Variants in WNK3 observed in about 807,000 individuals in gnomAD.
WNK3 encodes the protein WNK lysine deficient protein kinase 3, also known as serine/threonine-protein kinase WNK3.
A neutral mutation model predicts 116.7 loss-of-function variants in WNK3; 18 were observed. The ratio of observed to expected loss-of-function variants is 0.15; its 90% CI spans 0.11 to 0.23. The LOEUF (loss-of-function observed/expected upper bound fraction) is 0.23, where lower values mean the gene tolerates loss of function less well. Ranked by LOEUF, WNK3 falls within the 10% of genes least tolerant of loss-of-function variation. The probability of loss-of-function intolerance (pLI) is 1.00; values close to 1 mark genes in which losing one functional copy is unlikely to be tolerated. For missense variants in WNK3, 993 were observed against 1,323.8 expected, an observed-to-expected ratio of 0.75 and a Z score of 3.88; for synonymous variants, 404 against 469.4, an observed-to-expected ratio of 0.86 and a Z score of 1.80.
intron 17 of WNK3, among the ~76,000 whole-genome samples, chrX:54,243,583 C>T (rs2068046696): frequency 1.8e-5 from 2 of 111,283 alleles, no homozygotes; most frequent in South Asian, 7.6e-4. Flanking sequence ...AGCCATTAAG[C>T]AAATGCAAAT....
At chrX:54,306,086 C>T (rs1310542863) in intron 5 of WNK3, among the ~76,000 whole-genome samples, 2 of 110,655 alleles carry the variant, frequency 1.8e-5, no homozygotes, top group African/African-American at 6.6e-5. Context: ...TGTGGTATAC[C>T]GCATGCATTA....
At chrX:54,292,841 T>C in intron 10 of WNK3, 47 bp downstream of exon 10, 2 of 1,125,564 alleles carry the variant, frequency 1.8e-6, no homozygotes, top group Non-Finnish European at 1.2e-6. Context: ...ATCTAGGCAG[T>C]GTTTAATTTG....
At chrX:54,198,977 C>T (rs2067475769) in intron 23 of WNK3, among the ~76,000 whole-genome samples, 1 of 111,009 alleles carries the variant, frequency 9.0e-6, no homozygotes, top group Non-Finnish European at 1.9e-5. Flanking sequence ...AAAATTATTT[C>T]TGGGTGGTGG....
At chrX:54,302,755 ATATTT>A (rs1210616040) in intron 5 of WNK3, among the ~76,000 whole-genome samples, 3 of 39,811 alleles carry the variant, frequency 7.5e-5, no homozygotes, top group African/African-American at 2.6e-4. Context: ...ATATATATAT[ATATTT>A]TTTTTTTTTT....
chrX:54,355,092 T>A (rs1236407228), intron 1 of WNK3, among the ~76,000 whole-genome samples: 1 of 111,051 alleles, frequency 9.0e-6, no homozygotes, highest in East Asian at 2.8e-4. Context: ...TAAAAAATAA[T>A]AATAATAATA....
intron 17 of WNK3, among the ~76,000 whole-genome samples, chrX:54,243,927 A>G (rs2068049931): frequency 8.9e-6 from 1 of 112,246 alleles, no homozygotes; most frequent in South Asian, 3.7e-4. Context: ...TATAGCCATA[A>G]AATGGAATAT....
chrX:54,317,336 T>C (rs1349897032), intron 2 of WNK3, among the ~76,000 whole-genome samples: 2 of 109,824 alleles, frequency 1.8e-5, no homozygotes, highest in African/African-American at 6.6e-5. Context: ...ATTTTTGTAT[T>C]CTTAGTAGGG....
rs1363923361 is a variant in WNK3, at chrX:54,248,894, T to C, written c.3454A>G (p.Thr1152Ala). 2 of 1,209,741 alleles carry C rather than the reference T, an allele frequency of 1.7e-6. No homozygotes were observed. The highest frequency in any genetic ancestry group is 2.2e-6 in the Non-Finnish European group (2 of 895,158). Reference sequence around the variant, plus strand: ...ACTTCTGTCACTGGACAGGAGAGGGTATCTTCAGCAGAGGAAGAAAATGGA... The same window carrying C: ...ACTTCTGTCACTGGACAGGAGAGGGCATCTTCAGCAGAGGAAGAAAATGGA... Residue 1152 changes from threonine (T) to alanine (A), a missense_variant, in exon 17 of 24, where the codon ACC becomes GCC. Physicochemically the swap from Thr to Ala is moderately conservative, Grantham distance 58. This residue lies in a region of WNK3 where 836 missense variants were observed against 976.5 expected (regional missense o/e 0.86). Coordinates refer to ENST00000354646, the Ensembl canonical transcript of WNK3.
chrX:54,248,904 A>G (rs782118156), exon 17 of WNK3: 2 of 1,211,678 alleles, frequency 1.7e-6, no homozygotes, highest in South Asian at 3.5e-5. Context: ...TATCTTCAGC[A>G]GAGGAAGAAA....
At chrX:54,294,784 C>T (rs1161469441) in exon 8 of WNK3, 1 of 1,208,408 alleles carries the variant, frequency 8.3e-7, no homozygotes, top group Non-Finnish European at 1.1e-6. Flanking sequence ...ATTGGCGTCA[C>T]CCGGTCTCTA....
intron 14 of WNK3, 27 bp downstream of exon 14, chrX:54,251,505 A>T (rs202158471): frequency 7.5e-4 from 902 of 1,204,387 alleles, no homozygotes; most frequent in Non-Finnish European, 9.6e-4. Flanking sequence ...ATCTGAGAAG[A>T]TCTGTTTGCT....
exon 6 of WNK3, chrX:54,301,847 C>T: frequency 8.3e-7 from 1 of 1,208,298 alleles, no homozygotes; most frequent in Non-Finnish European, 1.1e-6. Context: ...TTGAAGCTGG[C>T]TGGTTTTATG....
intron 5 of WNK3, among the ~76,000 whole-genome samples, chrX:54,305,947 C>T (rs1283746741): frequency 1.1e-4 from 12 of 109,999 alleles, no homozygotes; most frequent in African/African-American, 3.6e-4. Flanking sequence ...CCCAGCTACT[C>T]GGGAGGCTGA....
chrX:54,293,415 T>C, intron 8 of WNK3, 88 bp from the exon 9 acceptor site: 2 of 720,363 alleles, frequency 2.8e-6, no homozygotes. Context: ...GTTTCTTTAA[T>C]GGCTTTTTTA....
intron 17 of WNK3, among the ~76,000 whole-genome samples, chrX:54,248,406 C>T (rs1557153115): frequency 9.0e-6 from 1 of 111,221 alleles, no homozygotes; most frequent in Non-Finnish European, 1.9e-5. Flanking sequence ...TTCCTACCCA[C>T]TAAAACAATC....
chrX:54,283,801 T>C (rs1173128375), intron 10 of WNK3, among the ~76,000 whole-genome samples: 2 of 102,730 alleles, frequency 1.9e-5, no homozygotes, highest in Non-Finnish European at 3.9e-5. Flanking sequence ...ATAACAAGTG[T>C]TGGTAGAGAT....
At chrX:54,239,848 T>C (rs938463275) in intron 17 of WNK3, among the ~76,000 whole-genome samples, 1 of 111,621 alleles carries the variant, frequency 9.0e-6, no homozygotes, top group Admixed American at 9.6e-5. Context: ...TATGAAAAGT[T>C]AGCACAGACA....
chrX:54,321,828 C>T (rs949982911), intron 2 of WNK3, among the ~76,000 whole-genome samples: 1 of 108,708 alleles, frequency 9.2e-6, no homozygotes, highest in Non-Finnish European at 1.9e-5. Flanking sequence ...GGCGTGGTAG[C>T]GCATGCCTAT....
intron 1 of WNK3, among the ~76,000 whole-genome samples, chrX:54,342,231 C>T (rs374025632): frequency 6.2e-4 from 69 of 111,637 alleles, no homozygotes; most frequent in African/African-American, 2.1e-3. Flanking sequence ...CATTGCACTC[C>T]AGCCTGGGTG....
Sources: gnomAD v4.1 joint callset for allele counts (sites outside exome capture counted in the v4.1 genomes callset) on GRCh38, gnomAD v4.1.1 for gene constraint, gnomAD v4.1.1 regional missense constraint, MANE v1.5 for transcripts, NCBI Gene and HGNC (gene_info 2026-07-23, HGNC 2026-07-21) for gene names.